Variants in CDH20 observed in about 807,000 individuals in gnomAD.
CDH20 encodes the protein cadherin-20.
In CDH20, 29 loss-of-function variants were observed where a neutral mutation model predicts 74.2. The observed-to-expected ratio is 0.39, with a 90% CI of 0.29 to 0.53. The LOEUF (loss-of-function observed/expected upper bound fraction) is 0.53. Ranked by LOEUF, CDH20 falls within the 20% of genes least tolerant of loss-of-function variation. The pLI is 0.69. For synonymous variants in CDH20, 469 were observed against 405.4 expected, an observed-to-expected ratio of 1.16 and a Z score of -1.88; for missense variants, 988 against 1,048.3, an observed-to-expected ratio of 0.94 and a Z score of 0.79.
chr18:61,538,867 C>G (rs930795818), intron 8 of CDH20, among the ~76,000 whole-genome samples, 157 bp from the exon 9 acceptor site: 1 of 151,888 alleles, frequency 6.6e-6, no homozygotes, highest in Non-Finnish European at 1.5e-5. Context: ...CTCCTGACAT[C>G]GTGATCCTCC....
At chr18:61,482,206 C>T (rs779993706) in intron 1 of CDH20, among the ~76,000 whole-genome samples, 7 of 151,928 alleles carry the variant, frequency 4.6e-5, no homozygotes, top group East Asian at 1.9e-4. Context: ...GAAGTGTGGA[C>T]GAAAAAGAGA....
chr18:61,371,176 GTAACCTGTAAT>G (rs1911024889), intron 1 of CDH20, among the ~76,000 whole-genome samples: 1 of 152,090 alleles, frequency 6.6e-6, no homozygotes, highest in Non-Finnish European at 1.5e-5. Flanking sequence ...GAGAGGATTA[GTAACCTGTAAT>G]TAACCTGCTG....
intron 1 of CDH20, among the ~76,000 whole-genome samples, chr18:61,345,284 G>A (rs1910080150): frequency 6.6e-6 from 1 of 152,134 alleles, no homozygotes; most frequent in Non-Finnish European, 1.5e-5. Context: ...GATGGTTGTA[G>A]GAGGGAGCCC....
At chr18:61,472,487 G>T (rs534400917) in intron 1 of CDH20, among the ~76,000 whole-genome samples, 1 of 152,098 alleles carries the variant, frequency 6.6e-6, no homozygotes, top group Admixed American at 6.6e-5. Context: ...GCTGGCAGCA[G>T]GAAGGGAACT....
chr18:61,394,157 C>T (rs1384805355), intron 1 of CDH20, among the ~76,000 whole-genome samples: 2 of 152,090 alleles, frequency 1.3e-5, no homozygotes, highest in African/African-American at 4.8e-5. Context: ...CCCTGCTATA[C>T]CCAGAAAGTG....
rs146231783 is a variant in CDH20, at chr18:61,519,903, C to A, written c.1018-8064C>A. On this transcript the variant is annotated intron_variant, in intron 6 of 11. Coordinates refer to ENST00000262717, the MANE Select transcript of CDH20 (RefSeq NM_031891.4). Reference sequence around the variant, plus strand: ...TCTAACATGCAAAGACAAACACAGGCTCAAAATAAAGGGATGGAGGAATAT... The same window carrying A: ...TCTAACATGCAAAGACAAACACAGGATCAAAATAAAGGGATGGAGGAATAT... Among the ~76,000 whole-genome samples the A allele has an allele frequency of 6.1e-3, 885 of 144,738 alleles. 46 individuals carry two copies. The highest frequency in any genetic ancestry group is 0.053 in the Admixed American group (766 of 14,426). The allele number at this position is 144,738 out of a possible 152,430, so 95.0% of individuals were successfully genotyped here.
At chr18:61,458,819 T>G (rs1272932984) in intron 1 of CDH20, among the ~76,000 whole-genome samples, 1 of 152,256 alleles carries the variant, frequency 6.6e-6, no homozygotes, top group African/African-American at 2.4e-5. Flanking sequence ...CAAATTTAAG[T>G]ATATTTTATG....
rs115033890 is a variant in CDH20, at chr18:61,512,554, G to A, written c.1017+4994G>A. Among the ~76,000 whole-genome samples the A allele has an allele frequency of 2.6e-3, 395 of 152,228 alleles. 4 individuals are homozygous for A. The highest frequency in any genetic ancestry group is 8.8e-3 in the African/African-American group (366 of 41,518). ...TAAAGTACTCTCGTAGGCACAGTTA[G>A]ACAAATTTGTTTCACCAATGTTAGA... On this transcript the variant is annotated intron_variant, in intron 6 of 11. Transcript: ENST00000262717.
chr18:61,413,064 A>G (rs1341690173), intron 1 of CDH20, among the ~76,000 whole-genome samples: 1 of 152,234 alleles, frequency 6.6e-6, no homozygotes, highest in African/African-American at 2.4e-5. Context: ...ACTAAAGCAG[A>G]GTACTTATTT....
At chr18:61,544,973 C>T (rs1913184941) in intron 9 of CDH20, 54 bp from the exon 10 acceptor site, 1 of 1,172,180 alleles carries the variant, frequency 8.5e-7, no homozygotes, top group Non-Finnish European at 1.3e-6. Flanking sequence ...TTAACTGGGC[C>T]CTGGTGCTTT....
intron 10 of CDH20, among the ~76,000 whole-genome samples, chr18:61,546,062 CTG>C (rs967283520): frequency 6.6e-6 from 1 of 152,144 alleles, no homozygotes; most frequent in African/African-American, 2.4e-5. Flanking sequence ...ATAAGTTAAA[CTG>C]TCAAATGAAC....
At chr18:61,341,697 A>G (rs994181725) in intron 1 of CDH20, among the ~76,000 whole-genome samples, 3 of 152,236 alleles carry the variant, frequency 2.0e-5, no homozygotes, top group Non-Finnish European at 4.4e-5. Context: ...ATTAAGTAAG[A>G]ATCTAAATGT....
intron 6 of CDH20, among the ~76,000 whole-genome samples, chr18:61,526,969 T>C (rs1336206710): frequency 6.6e-6 from 1 of 152,094 alleles, no homozygotes; most frequent in Non-Finnish European, 1.5e-5. Context: ...TCATCTGAGA[T>C]CACGAGTTCA....
At chr18:61,347,550 C>CCA (rs111673270) in intron 1 of CDH20, among the ~76,000 whole-genome samples, 4,686 of 146,832 alleles carry the variant, frequency 0.032, 258 homozygotes, top group African/African-American at 0.11. Context: ...AAAAAAAAAA[C>CCA]CACACACACA....
intron 6 of CDH20, among the ~76,000 whole-genome samples, chr18:61,512,718 G>A (rs557673689): frequency 1.3e-5 from 2 of 152,086 alleles, no homozygotes; most frequent in Non-Finnish European, 2.9e-5. Flanking sequence ...GTTCTCGTTG[G>A]TTTCAAAGAA....
intron 1 of CDH20, among the ~76,000 whole-genome samples, chr18:61,477,692 G>A (rs1910441136): frequency 6.6e-6 from 1 of 151,896 alleles, no homozygotes; most frequent in Non-Finnish European, 1.5e-5. Flanking sequence ...ATTATAATTA[G>A]CTCCTTAAGA....
intron 1 of CDH20, among the ~76,000 whole-genome samples, chr18:61,358,160 G>C (rs1285153996): frequency 6.6e-6 from 1 of 150,884 alleles, no homozygotes; most frequent in Non-Finnish European, 1.5e-5. Flanking sequence ...TGACGCCCAG[G>C]CTGGAGTGCA....
At chr18:61,423,152 C>T (rs1259991402) in intron 1 of CDH20, among the ~76,000 whole-genome samples, 4 of 152,174 alleles carry the variant, frequency 2.6e-5, no homozygotes, top group Non-Finnish European at 5.9e-5. Context: ...TCCCAAATCA[C>T]GTCAAGTGTG....
At chr18:61,540,347 T>A (rs1290944868) in intron 9 of CDH20, among the ~76,000 whole-genome samples, 1 of 152,192 alleles carries the variant, frequency 6.6e-6, no homozygotes, top group Non-Finnish European at 1.5e-5. Context: ...TTTGCCTTCA[T>A]GTATTAGTCC....
Sources: gnomAD v4.1 joint callset for allele counts (sites outside exome capture counted in the v4.1 genomes callset) on GRCh38, gnomAD v4.1.1 for gene constraint, MANE v1.5 for transcripts, NCBI Gene and HGNC (gene_info 2026-07-23, HGNC 2026-07-21) for gene names.